The following POLK variants were observed in gnomAD, a reference collection of about 807,000 sequenced individuals.
The protein encoded by POLK is DNA polymerase kappa.
Under a neutral mutation model 94.0 loss-of-function variants are expected in POLK, and 76 were observed. The ratio of observed to expected loss-of-function variants is 0.81; its 90% CI spans 0.67 to 0.98. POLK has a LOEUF of 0.98. Ranked by LOEUF, POLK falls within the 50% of genes least tolerant of loss-of-function variation. The pLI is 0.00. For missense variants in POLK, 954 were observed against 1,010.1 expected, an observed-to-expected ratio of 0.94 and a Z score of 0.75; for synonymous variants, 349 against 325.4, an observed-to-expected ratio of 1.07 and a Z score of -0.78.
In POLK at chr5:75,581,116, G is replaced by A. The variant is rs1003860730; in HGVS notation, c.695-93G>A. The A allele has an allele frequency of 7.2e-6, 6 of 831,226 alleles. No individual in the cohort carries two copies. In the Admixed American group the frequency reaches 1.6e-4, roughly 21 times the overall value. 51.5% of individuals were successfully genotyped at this position (831,226 alleles called of 1,614,324 possible). On this transcript the variant is annotated intron_variant, in intron 6 of 14. Coordinates refer to ENST00000241436, the Ensembl canonical transcript of POLK. ...AGAAACTAAACTAAACTAGATTTTT[G>A]TTTTTGTCTTCAGAAATAATGTAGG...
rs551148029 is a variant in POLK, at chr5:75,531,113, T to C, written c.-13-15897T>C. ...TGAGCCACTGCACCCAAACCCCTCT[T>C]GAAATTTATATTTTAGTTGAAATAT... On this transcript the variant is annotated intron_variant, in intron 1 of 14. Coordinates refer to ENST00000241436, the Ensembl canonical transcript of POLK. Among the ~76,000 whole-genome samples the C allele has an allele frequency of 1.8e-3, 275 of 152,184 alleles. 2 individuals carry two copies. Among genetic ancestry groups the C allele is most frequent in the Non-Finnish European group, 3.4e-3 (234 of 67,994 alleles).
chr5:75,586,884 A>G, intron 9 of POLK, 142 bp from the exon 10 acceptor site: 1 of 591,918 alleles, frequency 1.7e-6, no homozygotes, highest in Non-Finnish European at 3.0e-6. Context: ...TTGTTTTTAG[A>G]TAAAAAACTG....
intron 1 of POLK, among the ~76,000 whole-genome samples, chr5:75,532,150 T>C (rs951354948): frequency 6.6e-6 from 1 of 152,186 alleles, no homozygotes; most frequent in African/African-American, 2.4e-5. Flanking sequence ...TATAGGTAAA[T>C]TGCATGCCAT....
chr5:75,522,576 C>T (rs1204933536), intron 1 of POLK, among the ~76,000 whole-genome samples: 5 of 152,054 alleles, frequency 3.3e-5, no homozygotes, highest in South Asian at 2.1e-4. Context: ...TGTTATACTG[C>T]GGAAAACATT....
chr5:75,596,831 C>T lies in POLK; in HGVS notation c.2138C>T (p.Ala713Val), dbSNP rs1276474217. Reference sequence around the variant, plus strand: ...GATACTATAGATAACTCATCTAAAGCAGAAAGCATAGATGCTTTAAGTAAT... The same window carrying T: ...GATACTATAGATAACTCATCTAAAGTAGAAAGCATAGATGCTTTAAGTAAT... Residue 713 changes from alanine (A) to valine (V), a missense_variant, in exon 13 of 15, where the codon GCA becomes GTA. By Grantham distance (64) the Ala-to-Val change is moderately conservative (BLOSUM62 0). Transcript: ENST00000241436. 2 of 1,612,436 alleles carry T rather than the reference C, an allele frequency of 1.2e-6. No individual in the cohort carries two copies. Among genetic ancestry groups the T allele is most frequent in the Non-Finnish European group, 1.7e-6 (2 of 1,178,940 alleles).
chr5:75,590,080 T>C (rs547192359), intron 10 of POLK, among the ~76,000 whole-genome samples: 6 of 152,348 alleles, frequency 3.9e-5, no homozygotes, highest in South Asian at 2.1e-4. Flanking sequence ...CTGTTGGTAA[T>C]TTTAATTATC....
At chr5:75,534,167 G>T (rs1246066939) in intron 1 of POLK, among the ~76,000 whole-genome samples, 1 of 151,942 alleles carries the variant, frequency 6.6e-6, no homozygotes. Flanking sequence ...TCAGGAGGCT[G>T]AGGCAGGAGA....
Position 75,539,232 on chromosome 5 carries a change from C to T in POLK, c.-13-7778C>T, listed in dbSNP as rs1769612274. Reference sequence around the variant, plus strand: ...TCTAAATCATTTTGGCTTAATCACTCCAAGACCACAACTTCTTGCTGCTTT... The same window carrying T: ...TCTAAATCATTTTGGCTTAATCACTTCAAGACCACAACTTCTTGCTGCTTT... On this transcript the variant is annotated intron_variant, in intron 1 of 14. Transcript: ENST00000241436. 2.7e-5 allele frequency among the ~76,000 whole-genome samples: 4 copies of T among 150,750 alleles called. No homozygotes were observed. In the Middle Eastern group the frequency reaches 0.01, roughly 395 times the overall value.
intron 3 of POLK, among the ~76,000 whole-genome samples, chr5:75,555,179 G>A (rs147635272): frequency 1.9e-4 from 29 of 152,186 alleles, no homozygotes; most frequent in African/African-American, 7.0e-4. Flanking sequence ...GTTTATATTA[G>A]GGTTCAATAT....
chr5:75,513,814 A>T (rs555474730), intron 1 of POLK, among the ~76,000 whole-genome samples: 4 of 152,268 alleles, frequency 2.6e-5, no homozygotes, highest in Admixed American at 2.0e-4. Context: ...TGGCATGTAC[A>T]CATGTTCTTT....
chr5:75,572,065 C>T (rs1413402898), intron 4 of POLK, among the ~76,000 whole-genome samples: 1 of 152,120 alleles, frequency 6.6e-6, no homozygotes, highest in Non-Finnish European at 1.5e-5. Flanking sequence ...CTGAAATAAT[C>T]CCTTCATTTG....
At chr5:75,560,144 G>A (rs1770893746) in intron 3 of POLK, among the ~76,000 whole-genome samples, 1 of 152,042 alleles carries the variant, frequency 6.6e-6, no homozygotes, top group Non-Finnish European at 1.5e-5. Context: ...TATGACTTAG[G>A]GCAAATTACT....
At chr5:75,537,844 A>AT (rs1019822171) in intron 1 of POLK, among the ~76,000 whole-genome samples, 4 of 151,524 alleles carry the variant, frequency 2.6e-5, no homozygotes, top group Non-Finnish European at 5.9e-5. Flanking sequence ...TGTTTTTTTT[A>AT]TTTTTTTATT....
intron 8 of POLK, among the ~76,000 whole-genome samples, chr5:75,584,037 T>C (rs1205866106): frequency 2.6e-5 from 4 of 152,214 alleles, no homozygotes; most frequent in African/African-American, 9.6e-5. Flanking sequence ...CAGTATGTAA[T>C]ATGTAATGAT....
At chr5:75,560,100 G>C (rs896452684) in intron 3 of POLK, among the ~76,000 whole-genome samples, 1 of 152,088 alleles carries the variant, frequency 6.6e-6, no homozygotes, top group African/African-American at 2.4e-5. Flanking sequence ...AGAGTAACCT[G>C]GTTTCAGTGT....
chr5:75,525,979 TAAATG>T (rs1561334200), intron 1 of POLK, among the ~76,000 whole-genome samples: 4 of 152,180 alleles, frequency 2.6e-5, no homozygotes, highest in Admixed American at 6.5e-5. Context: ...TAAAGACACT[TAAATG>T]AAATATCTAA....
rs58783164 is a variant in POLK, at chr5:75,595,248, GAAAAAAAA to G, written c.1529-956_1529-949del. ...GCAACAAGAGTGAAACTCCACCTCAGAAAAAAAAAAAAAAAAAAAAAAAAAGCCCAAGA... is the reference window on the plus strand; with the variant it reads ...GCAACAAGAGTGAAACTCCACCTCAGAAAAAAAAAAAAAAAAAGCCCAAGA... On this transcript the variant is annotated intron_variant, in intron 12 of 14. Transcript: ENST00000241436. 1.1e-3 allele frequency among the ~76,000 whole-genome samples: 27 copies of G among 24,880 alleles called. 1 individual carries two copies. Among genetic ancestry groups the G allele is most frequent in the South Asian group, 2.2e-3 (1 of 446 alleles). 16.3% of individuals were successfully genotyped at this position (24,880 alleles called of 152,430 possible).
chr5:75,591,874 A>G (rs904514378), intron 11 of POLK, among the ~76,000 whole-genome samples: 1 of 152,224 alleles, frequency 6.6e-6, no homozygotes, highest in Non-Finnish European at 1.5e-5. Flanking sequence ...TGTCCTTCTC[A>G]TAACATCCTA....
upstream of POLK, chr5:75,511,424 C>G (rs985372655): frequency 1.3e-6 from 2 of 1,542,140 alleles, no homozygotes; most frequent in African/African-American, 1.4e-5. Flanking sequence ...GTGAAGGAAG[C>G]CTACCCTTCC....
Sources: gnomAD v4.1 joint callset for allele counts (sites outside exome capture counted in the v4.1 genomes callset) on GRCh38, gnomAD v4.1.1 for gene constraint, MANE v1.5 for transcripts, NCBI Gene and HGNC (gene_info 2026-07-23, HGNC 2026-07-21) for gene names.